Variants in TRIM61 observed in about 807,000 individuals in gnomAD.
TRIM61 encodes the protein tripartite motif containing 61.
In TRIM61, 1 loss-of-function variant was observed where a neutral mutation model predicts 14.2. The observed-to-expected ratio is 0.07, with a 90% CI of 0.03 to 0.33. The LOEUF (loss-of-function observed/expected upper bound fraction) is 0.33, where lower values mean the gene tolerates loss of function less well. TRIM61 is among the 10% of genes least tolerant of loss of function. The pLI is 0.99. For missense variants in TRIM61, 19 were observed against 202.2 expected (o/e 0.09, Z 5.49); for synonymous variants, 8 against 71.6 (o/e 0.11, Z 4.49).
intron 3 of TRIM61, among the ~76,000 whole-genome samples, chr4:164,962,209 C>T (rs952665097): frequency 6.8e-6 from 1 of 147,092 alleles, no homozygotes; most frequent in African/African-American, 2.5e-5. Context: ...ATCAAGGACA[C>T]AATAGTTACT....
chr4:164,958,092 G>T (rs1260651828), intron 3 of TRIM61: 3 of 167,036 alleles, frequency 1.8e-5, no homozygotes, highest in Non-Finnish European at 4.4e-5. Flanking sequence ...AAAGATTAAG[G>T]CTGTTATTAC....
intron 2 of TRIM61, among the ~76,000 whole-genome samples, chr4:164,975,302 TA>T (rs2111154884): frequency 6.6e-6 from 1 of 150,840 alleles, no homozygotes; most frequent in East Asian, 1.9e-4. Context: ...CAAAAAATGG[TA>T]AAATCAGAAG....
At chr4:164,957,364 C>T in intron 3 of TRIM61, 1 of 1,614,064 alleles carries the variant, frequency 6.2e-7, no homozygotes, top group Non-Finnish European at 8.5e-7. Flanking sequence ...TGCCAGGCCA[C>T]TCCAAGTCAG....
At chr4:164,962,399 G>C (rs1404334530) in intron 3 of TRIM61, among the ~76,000 whole-genome samples, 1 of 151,012 alleles carries the variant, frequency 6.6e-6, no homozygotes, top group African/African-American at 2.4e-5. Flanking sequence ...TTGTGTGTGT[G>C]TGTGTGTGTG....
chr4:164,967,927 G>C (rs1013369395), intron 3 of TRIM61, among the ~76,000 whole-genome samples: 2 of 151,960 alleles, frequency 1.3e-5, no homozygotes, highest in African/African-American at 4.8e-5. Flanking sequence ...CGAGGCAGGT[G>C]AATCACTGGA....
chr4:164,971,621 A>T (rs1358700459), intron 2 of TRIM61, among the ~76,000 whole-genome samples: 2 of 152,066 alleles, frequency 1.3e-5, no homozygotes, highest in African/African-American at 4.8e-5. Context: ...AAATAGAGAA[A>T]ACATGAATGT....
chr4:164,959,871 G>A (rs942920486), intron 3 of TRIM61, among the ~76,000 whole-genome samples: 1 of 152,172 alleles, frequency 6.6e-6, no homozygotes, highest in Non-Finnish European at 1.5e-5. Context: ...TCTGCTATTG[G>A]TTGAATTGTG....
At chr4:164,972,918 T>G (rs1732400513) in intron 2 of TRIM61, among the ~76,000 whole-genome samples, 1 of 152,180 alleles carries the variant, frequency 6.6e-6, no homozygotes, top group Admixed American at 6.5e-5. Context: ...TTTTCACCCT[T>G]AGCTCGCCAT....
chr4:164,972,381 A>G (rs1457203074), intron 2 of TRIM61, among the ~76,000 whole-genome samples: 1 of 151,466 alleles, frequency 6.6e-6, no homozygotes, highest in African/African-American at 2.5e-5. Context: ...GGATCCAAAC[A>G]AGAGCCATGT....
chr4:164,975,638 C>T (rs375815085), intron 2 of TRIM61, among the ~76,000 whole-genome samples: 31 of 152,124 alleles, frequency 2.0e-4, no homozygotes, highest in East Asian at 1.3e-3. Flanking sequence ...TAAAAGTCAT[C>T]GCCATTCTCT....
At chr4:164,964,857 C>A (rs1732204628) in intron 3 of TRIM61, among the ~76,000 whole-genome samples, 1 of 152,164 alleles carries the variant, frequency 6.6e-6, no homozygotes, top group African/African-American at 2.4e-5. Context: ...TCCACAGAAG[C>A]CACTGAGTTT....
chr4:164,967,818 A>G (rs1055664482), intron 3 of TRIM61, among the ~76,000 whole-genome samples: 13 of 151,718 alleles, frequency 8.6e-5, no homozygotes, highest in Admixed American at 2.0e-4. Context: ...TGGGCAAAAT[A>G]GAAAAATAAA....
rs1732491245 is a variant in TRIM61, at chr4:164,976,690, T to G, written c.-340A>C. The stretch of plus-strand genomic sequence containing the variant: ...TGGAAGCAATTCTCAAATCTTACCT[T>G]GCATTATAATCACCTGGAGGTCTTG... On this transcript the variant is annotated splice_region_variant and 5_prime_UTR_variant, in exon 2 of 5. Transcript: ENST00000329314. The G allele has an allele frequency of 6.6e-6, 1 of 152,214 alleles. No individual in the cohort carries two copies. Among genetic ancestry groups the G allele is most frequent in the African/African-American group, 2.4e-5 (1 of 41,462 alleles). The allele number at this position is 152,214 out of a possible 1,614,324, so 9.4% of individuals were successfully genotyped here.
At chr4:164,966,199 A>C (rs1408804031) in intron 3 of TRIM61, among the ~76,000 whole-genome samples, 1 of 152,250 alleles carries the variant, frequency 6.6e-6, no homozygotes, top group Non-Finnish European at 1.5e-5. Flanking sequence ...TTAAGGAAAG[A>C]ACATGGAATA....
Position 164,967,443 on chromosome 4 carries a change from CTAAGT to C in TRIM61, c.525+2030_525+2034del, listed in dbSNP as rs1162341389. On this transcript the variant is annotated intron_variant, in intron 3 of 4. Coordinates refer to ENST00000329314, the MANE Select transcript of TRIM61 (RefSeq NM_001012414.3). Reference sequence around the variant, plus strand: ...TAAACCTAAGGAGGAAAAGATGGAACTAAGTTAAGATGGATTCTGAGACTAGAGAT... The same window carrying C: ...TAAACCTAAGGAGGAAAAGATGGAACTAAGATGGATTCTGAGACTAGAGAT... Among the ~76,000 whole-genome samples, 4 of 152,198 alleles carry C rather than the reference CTAAGT, an allele frequency of 2.6e-5. No homozygotes were observed. In the South Asian group the frequency reaches 6.2e-4, roughly 24 times the overall value.
At chr4:164,961,750 A>T (rs1471839540) in intron 3 of TRIM61, among the ~76,000 whole-genome samples, 1 of 152,214 alleles carries the variant, frequency 6.6e-6, no homozygotes, top group Non-Finnish European at 1.5e-5. Context: ...ATCAAATTCA[A>T]ACTGCTGAAA....
chr4:164,958,869 A>G (rs1273896397), intron 3 of TRIM61: 1 of 167,112 alleles, frequency 6.0e-6, no homozygotes, highest in East Asian at 1.9e-4. Context: ...CTATTTCTTC[A>G]TAACTGTAAT....
rs78591183 is a variant in TRIM61 at position 164,967,430 on chromosome 4, G to A, written c.525+2048C>T. ...TGAATTAACAGAATAAACCTAAGGA[G>A]GAAAAGATGGAACTAAGTTAAGATG... On this transcript the variant is annotated intron_variant, in intron 3 of 4. Transcript: ENST00000329314. 7.5e-3 allele frequency among the ~76,000 whole-genome samples: 1,149 copies of A among 152,266 alleles called. 13 individuals carry two copies. Among genetic ancestry groups the A allele is most frequent in the African/African-American group, 0.026 (1,084 of 41,550 alleles).
In TRIM61 at chr4:164,955,110, A is replaced by AT. The variant is rs1331532797; in HGVS notation, c.526-15_526-14insA. On this transcript the variant is annotated splice_polypyrimidine_tract_variant and intron_variant, in intron 3 of 4. Transcript: ENST00000329314. ...AGGAGACTCCATCTCAAAAAAAAAA[A>AT]AAAAAAAAATTATTATGGTATTATA... 1.5e-5 allele frequency: 3 copies of AT among 202,266 alleles called. No individual in the cohort carries two copies. The highest frequency in any genetic ancestry group is 7.1e-5 in the African/African-American group (3 of 42,004). 12.5% of individuals were successfully genotyped at this position (202,266 alleles called of 1,614,324 possible). A position where few individuals can be genotyped will look rare whatever the true frequency, so the allele number is the denominator to read the frequency against.
Sources: allele counts gnomAD v4.1 joint callset (sites outside exome capture counted in the v4.1 genomes callset), GRCh38; gene constraint gnomAD v4.1.1; transcripts MANE v1.5; gene names NCBI Gene and HGNC (gene_info 2026-07-23, HGNC 2026-07-21).